Variants in SDHAF2 observed in about 807,000 individuals in gnomAD.
SDHAF2 encodes succinate dehydrogenase complex assembly factor 2.
In SDHAF2, 21 loss-of-function variants were observed where a neutral mutation model predicts 18.5. The observed-to-expected ratio is 1.13, with a 90% CI of 0.80 to 1.63. SDHAF2 has a LOEUF of 1.63. SDHAF2 is among the 40% of genes most tolerant of loss of function. The probability of loss-of-function intolerance (pLI) is 0.00; values close to 1 mark genes in which losing one functional copy is unlikely to be tolerated. For synonymous variants in SDHAF2, 84 were observed against 70.7 expected, an observed-to-expected ratio of 1.19 and a Z score of -0.94; for missense variants, 195 against 200.3, an observed-to-expected ratio of 0.97 and a Z score of 0.16.
At chr11:61,439,017 C>T (rs1247642299) in intron 3 of SDHAF2, among the ~76,000 whole-genome samples, 2 of 152,036 alleles carry the variant, frequency 1.3e-5, no homozygotes, top group African/African-American at 4.8e-5. Flanking sequence ...GCACTCCATC[C>T]TGGGCAAAAG....
intron 3 of SDHAF2, among the ~76,000 whole-genome samples, chr11:61,442,053 T>G (rs907518438): frequency 1.3e-5 from 2 of 151,920 alleles, no homozygotes; most frequent in African/African-American, 2.4e-5. Flanking sequence ...CCAGCTAATT[T>G]TTGTTGTTGT....
At chr11:61,435,368 G>A (rs1320624107) in intron 1 of SDHAF2, 4 of 152,126 alleles carry the variant, frequency 2.6e-5, no homozygotes, top group Non-Finnish European at 5.9e-5. Context: ...CTTTATAGGT[G>A]ATTCATATAC....
At chr11:61,436,616 G>A in intron 1 of SDHAF2, 2 of 336,488 alleles carry the variant, frequency 5.9e-6, no homozygotes, top group South Asian at 4.5e-5. Context: ...TAGGAGCTGG[G>A]GGTTATCTCA....
At chr11:61,442,639 C>G (rs1474085708) in intron 3 of SDHAF2, among the ~76,000 whole-genome samples, 3 of 152,034 alleles carry the variant, frequency 2.0e-5, no homozygotes, top group African/African-American at 7.3e-5. Context: ...TTGAAAAATT[C>G]TCAGCTGTTA....
At chr11:61,437,975 CTT>C (rs772204945) in intron 2 of SDHAF2, 27 bp from the exon 3 acceptor site, 5 of 1,606,578 alleles carry the variant, frequency 3.1e-6, no homozygotes, top group Admixed American at 3.3e-5. Context: ...TTCTCAACCT[CTT>C]TTTCTTTTTT....
At chr11:61,440,062 GCTC>G (rs1185037036) in intron 3 of SDHAF2, among the ~76,000 whole-genome samples, 6 of 152,128 alleles carry the variant, frequency 3.9e-5, no homozygotes, top group Non-Finnish European at 8.8e-5. Flanking sequence ...GAGATCACAT[GCTC>G]CTCCTCTGGG....
chr11:61,446,192 G>C lies in SDHAF2; in HGVS notation c.*121G>C, dbSNP rs1040497645. The C allele has an allele frequency of 7.5e-6, 8 of 1,066,218 alleles. No homozygotes were observed. The highest frequency in any genetic ancestry group is 1.2e-5 in the Non-Finnish European group (8 of 691,970). The allele number at this position is 1,066,218 out of a possible 1,614,324, so 66.0% of individuals were successfully genotyped here. A position where few individuals can be genotyped will look rare whatever the true frequency, so the allele number is the denominator to read the frequency against. ...TGCCCTACCCCAGACCACTGGTCCT[G>C]CCTCAAGTGATGGACATAACCCTCT... On this transcript the variant is annotated 3_prime_UTR_variant, in exon 4 of 4. Transcript: ENST00000301761.
At chr11:61,439,571 C>T (rs1332873561) in intron 3 of SDHAF2, among the ~76,000 whole-genome samples, 2 of 152,158 alleles carry the variant, frequency 1.3e-5, no homozygotes, top group African/African-American at 4.8e-5. Context: ...TTTTGTGTCT[C>T]CACTCAATAT....
chr11:61,430,481 T>C (rs1303320290), intron 1 of SDHAF2: 3 of 526,308 alleles, frequency 5.7e-6, no homozygotes. Flanking sequence ...GCTCCCCTTC[T>C]CCCCGTTCTT....
chr11:61,433,868 C>G (rs1026562628), intron 1 of SDHAF2: 1 of 152,310 alleles, frequency 6.6e-6, no homozygotes, highest in East Asian at 1.9e-4. Context: ...CAGATGGCCA[C>G]CTTTTCACTG....
intron 3 of SDHAF2, chr11:61,438,429 C>A (rs1862024100): frequency 4.8e-6 from 2 of 420,344 alleles, no homozygotes; most frequent in African/African-American, 4.1e-5. Context: ...GAACTCCTGA[C>A]CTCAGGTGAT....
intron 1 of SDHAF2, among the ~76,000 whole-genome samples, chr11:61,437,420 C>T (rs912390624): frequency 6.6e-6 from 1 of 152,042 alleles, no homozygotes; most frequent in African/African-American, 2.4e-5. Context: ...AGGCTGGTCT[C>T]GAACTCCTGA....
chr11:61,436,928 A>G, intron 1 of SDHAF2: 1 of 1,282,552 alleles, frequency 7.8e-7, no homozygotes, highest in Non-Finnish European at 1.0e-6. Context: ...ATTAGGGATC[A>G]TGCTGTCTCT....
chr11:61,439,187 A>G (rs1466028344), intron 3 of SDHAF2, among the ~76,000 whole-genome samples: 1 of 152,220 alleles, frequency 6.6e-6, no homozygotes, highest in Non-Finnish European at 1.5e-5. Flanking sequence ...TTCTCATGAC[A>G]GAAGTCCAGA....
intron 3 of SDHAF2, 43 bp from the exon 4 acceptor site, chr11:61,445,898 A>G: frequency 4.3e-6 from 7 of 1,612,942 alleles, no homozygotes; most frequent in Non-Finnish European, 5.9e-6. Context: ...CTGAGCATTG[A>G]CTGACTATGG....
chr11:61,442,354 C>A (rs369799701), intron 3 of SDHAF2, among the ~76,000 whole-genome samples: 3 of 152,178 alleles, frequency 2.0e-5, no homozygotes, highest in East Asian at 3.8e-4. Flanking sequence ...GCTCTGGTTA[C>A]CTTCAGTGCA....
chr11:61,437,289 G>T (rs928521682), intron 1 of SDHAF2, among the ~76,000 whole-genome samples: 1 of 152,158 alleles, frequency 6.6e-6, no homozygotes, highest in African/African-American at 2.4e-5. Flanking sequence ...CCCAGGCTCA[G>T]ATGATCTTCC....
At chr11:61,443,277 TG>T (rs1862092255) in intron 3 of SDHAF2, among the ~76,000 whole-genome samples, 1 of 152,226 alleles carries the variant, frequency 6.6e-6, no homozygotes, top group Non-Finnish European at 1.5e-5. Flanking sequence ...TTTCCAACTC[TG>T]CTAGAATTTC....
intron 3 of SDHAF2, among the ~76,000 whole-genome samples, chr11:61,440,340 C>G (rs1862048186): frequency 6.6e-6 from 1 of 151,398 alleles, no homozygotes; most frequent in Non-Finnish European, 1.5e-5. Context: ...GAGTCAACAC[C>G]TGTAATCCCA....
Sources: allele counts gnomAD v4.1 joint callset (sites outside exome capture counted in the v4.1 genomes callset), GRCh38; gene constraint gnomAD v4.1.1; transcripts MANE v1.5; gene names NCBI Gene and HGNC (gene_info 2026-07-23, HGNC 2026-07-21).